DGKB: variants seen among roughly 807,000 people sequenced by gnomAD.
DGKB encodes the protein 90 kDa diacylglycerol kinase.
A neutral mutation model predicts 114.3 loss-of-function variants in DGKB; 67 were observed. The ratio of observed to expected loss-of-function variants is 0.59; its 90% CI spans 0.48 to 0.72. DGKB has a LOEUF of 0.72. Ranked by LOEUF, DGKB falls within the 30% of genes least tolerant of loss-of-function variation. The pLI, the probability that DGKB is intolerant of heterozygous loss-of-function variation, is 0.00. For missense variants in DGKB, 907 were observed against 975.2 expected (o/e 0.93, Z 0.93); for synonymous variants, 398 against 323.1 (o/e 1.23, Z -2.49).
At chr7:14,486,669 C>T (rs927389143) in intron 20 of DGKB, among the ~76,000 whole-genome samples, 10 of 152,084 alleles carry the variant, frequency 6.6e-5, no homozygotes, top group African/African-American at 9.7e-5. Flanking sequence ...GACAGCAGAA[C>T]GAACAAGGGC....
At chr7:14,895,005 T>C (rs1053868455) in intron 1 of DGKB, among the ~76,000 whole-genome samples, 2 of 151,576 alleles carry the variant, frequency 1.3e-5, no homozygotes, top group African/African-American at 2.4e-5. Context: ...AAGAACAACA[T>C]GATAGCAAAA....
At chr7:14,758,311 G>C (rs1323179192) in intron 2 of DGKB, among the ~76,000 whole-genome samples, 1 of 151,804 alleles carries the variant, frequency 6.6e-6, no homozygotes, top group African/African-American at 2.4e-5. Context: ...TTGGTGACAA[G>C]AAATTTTAAG....
chr7:14,395,232 T>C (rs10264632), intron 21 of DGKB, among the ~76,000 whole-genome samples: 6,527 of 152,172 alleles, frequency 0.043, 478 homozygotes, highest in African/African-American at 0.15. Flanking sequence ...GCAAATCTTA[T>C]AGTGCCTTTG....
intron 21 of DGKB, among the ~76,000 whole-genome samples, chr7:14,445,066 A>G (rs1228288001): frequency 6.6e-6 from 1 of 151,850 alleles, no homozygotes; most frequent in African/African-American, 2.4e-5. Context: ...CTGTACCACT[A>G]TTGTTCCCAC....
intron 1 of DGKB, among the ~76,000 whole-genome samples, chr7:14,911,885 G>A (rs1784023427): frequency 6.6e-6 from 1 of 152,168 alleles, no homozygotes. Flanking sequence ...ATAATAACAT[G>A]TTAGAATATT....
Position 14,682,634 on chromosome 7 carries a change from T to C in DGKB, c.954A>G (p.Pro318=). ...MHHYWVEGNC[P]TKCDKCHKTV... ...TTTTGTGGCACTTATCACACTTGGT[T>C]GGGCAGTTACCTTCAACCCAGTAAT... is the stretch of plus-strand genomic sequence containing the variant. The change falls in exon 12 of 26, where the codon CCA becomes CCG. Residue 318 remains proline, a synonymous_variant. Coordinates refer to ENST00000402815, the MANE Select transcript of DGKB (RefSeq NM_001350709.2). 1.9e-6 allele frequency: 3 copies of C among 1,613,630 alleles called. No individual in the cohort carries two copies. The highest frequency in any genetic ancestry group is 2.5e-6 in the Non-Finnish European group (3 of 1,179,646).
chr7:14,482,173 G>A (rs1423234057), intron 20 of DGKB, among the ~76,000 whole-genome samples: 2 of 151,926 alleles, frequency 1.3e-5, no homozygotes, highest in East Asian at 1.9e-4. Flanking sequence ...TTGCTTTGAA[G>A]ATCTGGTGTT....
intron 2 of DGKB, among the ~76,000 whole-genome samples, chr7:14,800,195 C>T (rs1484659035): frequency 1.3e-5 from 2 of 152,166 alleles, no homozygotes; most frequent in Non-Finnish European, 2.9e-5. Flanking sequence ...GAATTACAGG[C>T]GTGAGCCACC....
chr7:14,279,287 C>T (rs28784900), intron 23 of DGKB, among the ~76,000 whole-genome samples: 18,401 of 152,082 alleles, frequency 0.12, 3,191 homozygotes, highest in African/African-American at 0.38. Flanking sequence ...AACTGCAAGG[C>T]GGCAGCCAGG....
At chr7:14,349,352 G>A (rs1045995946) in intron 21 of DGKB, among the ~76,000 whole-genome samples, 2 of 152,070 alleles carry the variant, frequency 1.3e-5, no homozygotes, top group African/African-American at 4.8e-5. Flanking sequence ...GTGATCTAAT[G>A]TACACTGTAT....
chr7:14,299,649 C>G (rs969689), intron 23 of DGKB, among the ~76,000 whole-genome samples: 2 of 151,902 alleles, frequency 1.3e-5, no homozygotes, highest in Admixed American at 6.6e-5. Flanking sequence ...TAATAAAAAA[C>G]TGAATCACAT....
In DGKB at chr7:14,349,837, C is replaced by T. The variant is rs17712742; in HGVS notation, c.1836-4446G>A. Among the ~76,000 whole-genome samples, 225 of 152,184 alleles carry T rather than the reference C, an allele frequency of 1.5e-3. 1 individual carries two copies. Among genetic ancestry groups the T allele is most frequent in the Non-Finnish European group, 2.6e-3 (175 of 67,980 alleles). On this transcript the variant is annotated intron_variant, in intron 21 of 25. Coordinates refer to ENST00000402815, the MANE Select transcript of DGKB (RefSeq NM_001350709.2). ...GAAAATGATCCAAATAATTCAAACT[C>T]AAATTTGTCAGTGAAAACATAGCTT...
intron 23 of DGKB, among the ~76,000 whole-genome samples, chr7:14,213,954 G>C (rs1047401828): frequency 1.3e-5 from 2 of 152,088 alleles, no homozygotes; most frequent in Non-Finnish European, 2.9e-5. Flanking sequence ...TTAGTATAGT[G>C]AGGTTTTACA....
chr7:14,410,677 A>C (rs1824713109), intron 21 of DGKB, among the ~76,000 whole-genome samples: 1 of 152,176 alleles, frequency 6.6e-6, no homozygotes, highest in South Asian at 2.1e-4. Context: ...CACAAATAAA[A>C]TTAAAAGAAA....
intron 2 of DGKB, among the ~76,000 whole-genome samples, chr7:14,801,027 G>T (rs1400698615): frequency 1.3e-5 from 2 of 152,236 alleles, no homozygotes; most frequent in Non-Finnish European, 2.9e-5. Context: ...AGGAAAAAAG[G>T]ACTGTAATGG....
chr7:14,664,235 T>G (rs2128930446), intron 13 of DGKB, among the ~76,000 whole-genome samples: 1 of 152,164 alleles, frequency 6.6e-6, no homozygotes, highest in East Asian at 1.9e-4. Flanking sequence ...GAAAATAATC[T>G]ATTTTGAAAT....
chr7:14,772,948 TG>T (rs143881851), intron 2 of DGKB, among the ~76,000 whole-genome samples: 19,175 of 152,198 alleles, frequency 0.13, 1,594 homozygotes, highest in African/African-American at 0.24. Flanking sequence ...TTTTCACCGC[TG>T]TACCTCAATT....
intron 1 of DGKB, among the ~76,000 whole-genome samples, chr7:14,954,746 T>C (rs2128262386): frequency 6.6e-6 from 1 of 152,134 alleles, no homozygotes; most frequent in African/African-American, 2.4e-5. Flanking sequence ...AAGACATATG[T>C]GTGATAAAAT....
chr7:14,712,387 A>C (rs1463265599), intron 6 of DGKB, among the ~76,000 whole-genome samples: 2 of 152,192 alleles, frequency 1.3e-5, no homozygotes, highest in Non-Finnish European at 2.9e-5. Flanking sequence ...TTATGAACAT[A>C]AATTTATGGT....
Sources: allele counts gnomAD v4.1 joint callset (sites outside exome capture counted in the v4.1 genomes callset), GRCh38; gene constraint gnomAD v4.1.1; transcripts MANE v1.5; gene names NCBI Gene and HGNC (gene_info 2026-07-23, HGNC 2026-07-21).